IFT74: variants seen among roughly 807,000 people sequenced by gnomAD.
IFT74 encodes intraflagellar transport 74, also known as intraflagellar transport protein 74 homolog.
IFT74 carries 92 observed loss-of-function variants against 96.7 expected under a neutral mutation model. That is an observed-to-expected ratio of 0.95 (90% confidence interval 0.80 to 1.13). The LOEUF (loss-of-function observed/expected upper bound fraction) is 1.13, where lower values mean the gene tolerates loss of function less well. IFT74 is among the 50% of genes most tolerant of loss of function. The probability of loss-of-function intolerance (pLI) is 0.00; values close to 1 mark genes in which losing one functional copy is unlikely to be tolerated. For missense variants in IFT74, 811 were observed against 698.2 expected (o/e 1.16, Z -1.82); for synonymous variants, 223 against 213.2 (o/e 1.05, Z -0.40).
chr9:27,036,553 ACTGAAGAATACCCTGCTATAGCCT>A (rs749588888), intron 13 of IFT74: 2 of 1,608,086 alleles, frequency 1.2e-6, no homozygotes, highest in Admixed American at 3.4e-5. Flanking sequence ...ATCCATTTGA[ACTGAAGAATACCCTGCTATAGCCT>A]CCCATTGTTT....
chr9:27,010,691 C>T (rs982273804), intron 9 of IFT74, among the ~76,000 whole-genome samples: 13 of 149,782 alleles, frequency 8.7e-5, no homozygotes, highest in Non-Finnish European at 1.8e-4. Flanking sequence ...CAGTGTTTCA[C>T]CGTGTTAGCC....
chr9:26,993,159 A>G (rs895671691), intron 8 of IFT74: 23 of 152,162 alleles, frequency 1.5e-4, no homozygotes, highest in Admixed American at 1.5e-3. Flanking sequence ...GTGTAGTCAG[A>G]TATTTATTGA....
chr9:26,981,861 G>A (rs567083209), intron 4 of IFT74, among the ~76,000 whole-genome samples: 19 of 151,298 alleles, frequency 1.3e-4, no homozygotes, highest in Admixed American at 1.1e-3. Flanking sequence ...CCTGCCTTCC[G>A]GGTTTAAGCT....
chr9:26,987,332 C>T (rs1392648244), intron 6 of IFT74, among the ~76,000 whole-genome samples: 3 of 152,030 alleles, frequency 2.0e-5, no homozygotes, highest in African/African-American at 7.2e-5. Context: ...CCTCGTGATC[C>T]ACCCGCCTCA....
chr9:26,952,191 T>C (rs1239013325), upstream of IFT74, among the ~76,000 whole-genome samples: 1 of 152,186 alleles, frequency 6.6e-6, no homozygotes, highest in Non-Finnish European at 1.5e-5. Flanking sequence ...ATCTAGATAA[T>C]TGCATAATTC....
At chr9:26,990,070 C>G in intron 7 of IFT74, 64 bp from the exon 8 acceptor site, 1 of 914,654 alleles carries the variant, frequency 1.1e-6, no homozygotes, top group Non-Finnish European at 1.6e-6. Context: ...GCCAAAATAA[C>G]CTACAAAGAA....
In IFT74 at chr9:26,960,290, G is replaced by C. The variant is rs58092948; in HGVS notation, c.-19-1659G>C. Reference sequence around the variant, plus strand: ...GTATGTATTGATGTTCCTCAGGACAGAATCTTGGGCACTATTCTCTTTTTC... The same window carrying C: ...GTATGTATTGATGTTCCTCAGGACACAATCTTGGGCACTATTCTCTTTTTC... On this transcript the variant is annotated intron_variant, in intron 1 of 19. Transcript: ENST00000380062. Among the ~76,000 whole-genome samples, 868 of 151,836 alleles carry C rather than the reference G, an allele frequency of 5.7e-3. 10 individuals carry two copies. The highest frequency in any genetic ancestry group is 0.02 in the African/African-American group (815 of 41,410).
intron 14 of IFT74, among the ~76,000 whole-genome samples, chr9:27,045,391 C>T (rs1034969245): frequency 2.0e-5 from 3 of 152,140 alleles, no homozygotes; most frequent in African/African-American, 7.2e-5. Flanking sequence ...TGCTATAGAT[C>T]ATTTATTGAT....
chr9:27,004,285 A>G (rs919711631), intron 8 of IFT74, among the ~76,000 whole-genome samples: 3 of 152,022 alleles, frequency 2.0e-5, no homozygotes, highest in African/African-American at 7.3e-5. Flanking sequence ...TTAGAAAAGG[A>G]TTTTTTTTCC....
intron 13 of IFT74, among the ~76,000 whole-genome samples, chr9:27,031,123 G>A (rs1455790897): frequency 1.3e-5 from 2 of 151,900 alleles, no homozygotes; most frequent in East Asian, 3.9e-4. Flanking sequence ...AGCCTTCCAA[G>A]TAGCCGGGAC....
chr9:27,002,268 A>T (rs1828538937), intron 8 of IFT74, among the ~76,000 whole-genome samples: 1 of 152,178 alleles, frequency 6.6e-6, no homozygotes, highest in Non-Finnish European at 1.5e-5. Context: ...AGTAGCTGGG[A>T]CTACAGGCAT....
At chr9:27,006,322 G>C (rs561916768) in intron 8 of IFT74, among the ~76,000 whole-genome samples, 1 of 152,254 alleles carries the variant, frequency 6.6e-6, no homozygotes, top group Non-Finnish European at 1.5e-5. Flanking sequence ...CTGAGGTCAG[G>C]TGCAGAGTCT....
At chr9:26,955,048 A>G (rs541210833), upstream of IFT74, among the ~76,000 whole-genome samples, 7 of 152,328 alleles carry the variant, frequency 4.6e-5, no homozygotes, top group African/African-American at 1.7e-4. Context: ...AATCTCTTTA[A>G]AACTTGGATA....
At chr9:26,985,530 G>A (rs1250949473) in intron 6 of IFT74, among the ~76,000 whole-genome samples, 1 of 151,984 alleles carries the variant, frequency 6.6e-6, no homozygotes, top group East Asian at 1.9e-4. Flanking sequence ...AATAGTACAT[G>A]AATACATACT....
intron 2 of IFT74, among the ~76,000 whole-genome samples, chr9:26,968,523 G>A (rs753392501): frequency 6.6e-6 from 1 of 152,146 alleles, no homozygotes; most frequent in Admixed American, 6.5e-5. Flanking sequence ...GCCTCCCAAA[G>A]TGTTGGGATT....
At chr9:27,019,429 G>A (rs1587363749) in intron 12 of IFT74, among the ~76,000 whole-genome samples, 1 of 151,906 alleles carries the variant, frequency 6.6e-6, no homozygotes, top group East Asian at 1.9e-4. Flanking sequence ...AGCACAGTGA[G>A]CCTTGCTTTC....
intron 1 of IFT74, among the ~76,000 whole-genome samples, chr9:26,958,130 C>G (rs1444467454): frequency 1.3e-5 from 2 of 151,556 alleles, no homozygotes; most frequent in Non-Finnish European, 2.9e-5. Context: ...TTAAAAGATA[C>G]AAGAGAGAAC....
Position 27,047,324 on chromosome 9 carries a change from G to A in IFT74, c.1159G>A (p.Ala387Thr), listed in dbSNP as rs1819736446. The A allele has an allele frequency of 3.7e-6, 6 of 1,613,234 alleles. No homozygotes were observed. The highest frequency in any genetic ancestry group is 1.1e-5 in the South Asian group (1 of 91,004). Residue 387 changes from alanine (A) to threonine (T), a missense_variant, in exon 15 of 20, where the codon GCA (alanine) becomes ACA (threonine). Transcript: ENST00000380062. ...AAAGAATCAGGAACTGAAACGAAAG[G>A]CACAGATAGAAGCCAACATTGTTGC... is the stretch of plus-strand genomic sequence containing the variant. ...ETKNQELKRK[A>T]QIEANIVALL...
rs1272883099 is a variant in IFT74, at chr9:27,063,879, A to C, written c.*1143A>C. 6.6e-6 allele frequency among the ~76,000 whole-genome samples: 1 copy of C among 152,106 alleles called. No homozygotes were observed. Among genetic ancestry groups the C allele is most frequent in the Non-Finnish European group, 1.5e-5 (1 of 67,948 alleles). ...GAACTCTGGATTACTAATATGGCTG[A>C]AGATCCTGGACATTCATTAAGGTAG... On this transcript the variant is annotated 3_prime_UTR_variant, in exon 20 of 20. Transcript: ENST00000380062.
Sources: allele counts gnomAD v4.1 joint callset (sites outside exome capture counted in the v4.1 genomes callset), GRCh38; gene constraint gnomAD v4.1.1; transcripts MANE v1.5; gene names NCBI Gene and HGNC (gene_info 2026-07-23, HGNC 2026-07-21).